The following ROBO2 variants were observed in gnomAD, a reference collection of about 807,000 sequenced individuals.
ROBO2 encodes the protein roundabout homolog 2.
Under a neutral mutation model 160.8 loss-of-function variants are expected in ROBO2, and 53 were observed. The ratio of observed to expected loss-of-function variants is 0.33; its 90% CI spans 0.26 to 0.41. The LOEUF (loss-of-function observed/expected upper bound fraction) is 0.41, where lower values mean the gene tolerates loss of function less well. Ranked by LOEUF, ROBO2 falls within the 10% of genes least tolerant of loss-of-function variation. ROBO2 has a pLI of 1.00. For synonymous variants in ROBO2, 664 were observed against 611.7 expected (o/e 1.09, Z -1.26); for missense variants, 1,577 against 1,722.4 (o/e 0.92, Z 1.49).
chr3:76,867,670 T>C (rs946921141), intron 2 of ROBO2, among the ~76,000 whole-genome samples: 7 of 152,196 alleles, frequency 4.6e-5, no homozygotes, highest in Non-Finnish European at 1.0e-4. Flanking sequence ...CTTAAACTGT[T>C]ACAAATTAGA....
chr3:76,467,779 A>G (rs1445625313), intron 2 of ROBO2, among the ~76,000 whole-genome samples: 1 of 152,092 alleles, frequency 6.6e-6, no homozygotes, highest in Admixed American at 6.6e-5. Context: ...CTCGTAGTGG[A>G]TAGATAATTT....
intron 2 of ROBO2, among the ~76,000 whole-genome samples, chr3:76,945,131 G>T (rs796518862): frequency 1.6e-4 from 25 of 152,092 alleles, no homozygotes; most frequent in African/African-American, 5.8e-4. Context: ...CTCGTGATCC[G>T]CCCGCCTCCG....
chr3:76,345,259 T>C (rs1419961343), intron 2 of ROBO2, among the ~76,000 whole-genome samples: 4 of 152,018 alleles, frequency 2.6e-5, no homozygotes, highest in East Asian at 1.9e-4. Context: ...ACCCAAGTCA[T>C]GGGAAAGGCC....
At chr3:77,393,283 T>C (rs1225204526) in intron 2 of ROBO2, among the ~76,000 whole-genome samples, 2 of 152,126 alleles carry the variant, frequency 1.3e-5, no homozygotes, top group Admixed American at 6.6e-5. Context: ...GGATGAAAGG[T>C]TGCTTTTGAA....
chr3:75,993,767 A>G (rs1576411924), intron 2 of ROBO2, among the ~76,000 whole-genome samples: 1 of 152,272 alleles, frequency 6.6e-6, no homozygotes, highest in South Asian at 2.1e-4. Flanking sequence ...CCTCATGACA[A>G]TGAGAAGAAA....
chr3:77,401,957 C>T (rs2075834728), intron 2 of ROBO2, among the ~76,000 whole-genome samples: 1 of 152,114 alleles, frequency 6.6e-6, no homozygotes, highest in Non-Finnish European at 1.5e-5. Context: ...AGAAACCATT[C>T]TACTATAAAG....
At chr3:77,251,819 T>C (rs2090384598) in intron 2 of ROBO2, among the ~76,000 whole-genome samples, 1 of 152,142 alleles carries the variant, frequency 6.6e-6, no homozygotes, top group East Asian at 1.9e-4. Context: ...AAGATGTGCT[T>C]TCGCCGTCCA....
rs148206148 is a variant in ROBO2, at chr3:76,030,385, T to G, written c.109+92783T>G. On this transcript the variant is annotated intron_variant, in intron 2 of 26. Transcript: ENST00000487694. ...CTTTAGTTTAATTAGATCCCATTCATCTATCTTGGCTTTTGATGCCGTTGC... is the reference window on the plus strand; with the variant it reads ...CTTTAGTTTAATTAGATCCCATTCAGCTATCTTGGCTTTTGATGCCGTTGC... 4.1e-3 allele frequency among the ~76,000 whole-genome samples: 627 copies of G among 152,328 alleles called. 5 individuals carry two copies. The highest frequency in any genetic ancestry group is 0.015 in the African/African-American group (608 of 41,574).
chr3:76,905,330 C>T (rs537181809), intron 2 of ROBO2, among the ~76,000 whole-genome samples: 3 of 151,860 alleles, frequency 2.0e-5, no homozygotes, highest in Admixed American at 1.3e-4. Flanking sequence ...AAGGCAATCA[C>T]GTATAGGGGG....
intron 2 of ROBO2, among the ~76,000 whole-genome samples, chr3:76,607,679 T>C (rs1292161203): frequency 6.6e-6 from 1 of 152,160 alleles, no homozygotes; most frequent in African/African-American, 2.4e-5. Context: ...ATCTCCTACA[T>C]TAGAAAAAAA....
At chr3:77,496,055 G>T (rs969903134) in intron 5 of ROBO2, among the ~76,000 whole-genome samples, 1 of 152,126 alleles carries the variant, frequency 6.6e-6, no homozygotes, top group Admixed American at 6.6e-5. Flanking sequence ...CTATCAGAAG[G>T]TATGATATCA....
chr3:77,084,453 CTG>C (rs1207764944), intron 1 of ROBO2, among the ~76,000 whole-genome samples: 1 of 152,114 alleles, frequency 6.6e-6, no homozygotes, highest in African/African-American at 2.4e-5. Context: ...TATCATTATT[CTG>C]TGTTTCACAA....
At chr3:77,597,913 G>A (rs2094344325) in intron 19 of ROBO2, among the ~76,000 whole-genome samples, 1 of 152,034 alleles carries the variant, frequency 6.6e-6, no homozygotes. Context: ...TCGTTCAGAG[G>A]GTAATCAGAA....
intron 2 of ROBO2, among the ~76,000 whole-genome samples, chr3:77,205,016 T>C (rs1320647151): frequency 2.6e-5 from 4 of 152,140 alleles, no homozygotes; most frequent in Non-Finnish European, 5.9e-5. Context: ...GCGGGGCAAG[T>C]GCTCTGGGCT....
chr3:76,946,217 G>A (rs1577713920), intron 2 of ROBO2, among the ~76,000 whole-genome samples: 1 of 152,084 alleles, frequency 6.6e-6, no homozygotes, highest in African/African-American at 2.4e-5. Context: ...GAATTATGAG[G>A]TTTTATGCAC....
intron 2 of ROBO2, among the ~76,000 whole-genome samples, chr3:76,416,352 A>T (rs1393263255): frequency 6.6e-6 from 1 of 152,132 alleles, no homozygotes; most frequent in Non-Finnish European, 1.5e-5. Context: ...TGGAAAGCCA[A>T]GTTAAATATG....
At chr3:77,448,106 TG>T in intron 2 of ROBO2, among the ~76,000 whole-genome samples, 1 of 152,148 alleles carries the variant, frequency 6.6e-6, no homozygotes, top group Admixed American at 6.5e-5. Flanking sequence ...TTTTCTTTAT[TG>T]CTTGAATCCG....
intron 2 of ROBO2, among the ~76,000 whole-genome samples, chr3:76,948,919 T>A (rs1439439691): frequency 7.0e-5 from 9 of 127,684 alleles, no homozygotes; most frequent in African/African-American, 2.9e-4. Flanking sequence ...TTTTTTTTTT[T>A]TTTTTTTTTT....
chr3:76,928,873 C>T (rs1363629702), intron 2 of ROBO2, among the ~76,000 whole-genome samples: 1 of 152,158 alleles, frequency 6.6e-6, no homozygotes, highest in Non-Finnish European at 1.5e-5. Flanking sequence ...CCTGATGAAT[C>T]TCCAATCTCT....
Sources: allele counts gnomAD v4.1 joint callset (sites outside exome capture counted in the v4.1 genomes callset), GRCh38; gene constraint gnomAD v4.1.1; transcripts MANE v1.5; gene names NCBI Gene and HGNC (gene_info 2026-07-23, HGNC 2026-07-21).